The following WDR44 variants were observed in gnomAD, a reference collection of about 807,000 sequenced individuals.
The protein encoded by WDR44 is WD repeat-containing protein 44.
WDR44 carries 9 observed loss-of-function variants against 65.7 expected under a neutral mutation model. The observed-to-expected ratio is 0.14, with a 90% CI of 0.08 to 0.24. WDR44 has a LOEUF of 0.24. WDR44 is among the 10% of genes least tolerant of loss of function. The probability of loss-of-function intolerance (pLI) is 1.00; values close to 1 mark genes in which losing one functional copy is unlikely to be tolerated. For missense variants in WDR44, 425 were observed against 670.9 expected (o/e 0.63, Z 4.05); for synonymous variants, 220 against 235.2 (o/e 0.94, Z 0.59).
chrX:118,438,178 T>C (rs2057270281), intron 14 of WDR44, among the ~76,000 whole-genome samples: 1 of 111,279 alleles, frequency 9.0e-6, no homozygotes, highest in African/African-American at 3.3e-5. Context: ...ACCCCACCTT[T>C]ATCACACACA....
chrX:118,364,795 A>G (rs1251751000), intron 1 of WDR44, among the ~76,000 whole-genome samples: 1 of 112,417 alleles, frequency 8.9e-6, no homozygotes, highest in Non-Finnish European at 1.9e-5. Flanking sequence ...ATACTTTATC[A>G]GGGAAGCAGC....
At chrX:118,424,003 A>G (rs181631818) in intron 12 of WDR44, among the ~76,000 whole-genome samples, 5 of 110,760 alleles carry the variant, frequency 4.5e-5, no homozygotes, top group African/African-American at 1.6e-4. Flanking sequence ...TCATCTGTCA[A>G]TGGACATTTA....
chrX:118,372,837 C>T (rs1186392014), intron 1 of WDR44, among the ~76,000 whole-genome samples: 2 of 112,025 alleles, frequency 1.8e-5, no homozygotes, highest in African/African-American at 6.5e-5. Context: ...GCCTGTAATC[C>T]CAGCACTTTG....
In WDR44 at chrX:118,443,578, C is replaced by T. The variant is rs1285409419; in HGVS notation, c.2403C>T (p.Leu801=). The T allele has an allele frequency of 1.2e-5, 14 of 1,206,983 alleles. No individual in the cohort carries two copies. The highest frequency in any genetic ancestry group is 1.8e-5 in the South Asian group (1 of 56,169). The change falls in exon 18 of 20, where the codon CTC becomes CTT. Residue 801 remains leucine (L), a synonymous_variant. Transcript: ENST00000254029. ...AATTCAGCCATGATTTTACTTACCT[C>T]GTTAGTGGTTCAGAAGATAAGTATG... ...KASFSHDFTY[L]VSGSEDKYVY...
intron 1 of WDR44, among the ~76,000 whole-genome samples, chrX:118,375,182 TTTTG>T (rs748295793): frequency 1.6e-4 from 18 of 111,515 alleles, no homozygotes; most frequent in African/African-American, 2.3e-4. Flanking sequence ...CCTGGTTTTT[TTTTG>T]TTTGTTTATT....
At chrX:118,368,998 G>A (rs1176554855) in intron 1 of WDR44, among the ~76,000 whole-genome samples, 1 of 109,180 alleles carries the variant, frequency 9.2e-6, no homozygotes, top group African/African-American at 3.3e-5. Flanking sequence ...AAAGTGCTGG[G>A]ATTACAGGCA....
chrX:118,358,611 A>C (rs1179911279), intron 1 of WDR44, among the ~76,000 whole-genome samples: 1 of 111,646 alleles, frequency 9.0e-6, no homozygotes, highest in Admixed American at 9.5e-5. Context: ...AGGCTGAGGC[A>C]GGGGAATCGC....
chrX:118,447,875 A>AATATATATATATATAT (rs10570740), intron 19 of WDR44, among the ~76,000 whole-genome samples: 90 of 54,761 alleles, frequency 1.6e-3, no homozygotes, highest in African/African-American at 2.9e-3. Flanking sequence ...CTCTATCTAA[A>AATATATATATATATAT]ATATATATAT....
intron 12 of WDR44, among the ~76,000 whole-genome samples, chrX:118,417,363 TA>T (rs2057066278): frequency 8.9e-6 from 1 of 112,159 alleles, no homozygotes; most frequent in Non-Finnish European, 1.9e-5. Flanking sequence ...TAGCAGTTCT[TA>T]TAGTGGTGGC....
rs1201259367 is a variant in WDR44 at position 118,392,783 on chromosome X, T to C, written c.338T>C (p.Ile113Thr). The C allele has an allele frequency of 8.3e-7, 1 of 1,209,985 alleles. No individual in the cohort carries two copies. The highest frequency in any genetic ancestry group is 3.0e-5 in the East Asian group (1 of 33,781). The stretch of plus-strand genomic sequence containing the variant: ...AGCAATATACCCGGACTGTTAGCCA[T>C]AGATCAAGTACTACCGGAAGAATCC... ...DLSNIPGLLA[I>T]DQVLPEESQK... The change falls in exon 4 of 20, where the codon ATA (isoleucine) becomes ACA (threonine). Residue 113 changes from isoleucine to threonine, a missense_variant. Ile to Thr is a moderately conservative substitution (Grantham distance 89, BLOSUM62 -1). This residue lies in a region of WDR44 where 193 missense variants were observed against 209.0 expected (regional missense o/e 0.92). Coordinates refer to ENST00000254029, the MANE Select transcript of WDR44 (RefSeq NM_019045.5).
intron 2 of WDR44, among the ~76,000 whole-genome samples, chrX:118,384,213 A>G (rs1461205228): frequency 9.0e-6 from 1 of 111,443 alleles, no homozygotes; most frequent in African/African-American, 3.3e-5. Flanking sequence ...AGCATGCATC[A>G]TTCAACATTC....
At chrX:118,369,711 G>C (rs866944327) in intron 1 of WDR44, among the ~76,000 whole-genome samples, 1 of 110,449 alleles carries the variant, frequency 9.1e-6, no homozygotes, top group Non-Finnish European at 1.9e-5. Flanking sequence ...CTTGTGATCT[G>C]CCCGCCTCGG....
At chrX:118,371,590 A>G (rs1377072258) in intron 1 of WDR44, among the ~76,000 whole-genome samples, 1 of 111,670 alleles carries the variant, frequency 9.0e-6, no homozygotes, top group Non-Finnish European at 1.9e-5. Flanking sequence ...TGAGCAAGGA[A>G]GCCTAGCTCT....
In WDR44 at chrX:118,446,844, GT is replaced by G. The variant is rs759008199; in HGVS notation, c.2648-2043del. 3.9e-3 allele frequency among the ~76,000 whole-genome samples: 422 copies of G among 109,367 alleles called. 2 individuals are homozygous for G. Among genetic ancestry groups the G allele is most frequent in the Non-Finnish European group, 5.8e-3 (303 of 52,607 alleles). The allele number at this position is 109,367 out of a possible 115,157, so 95.0% of individuals were successfully genotyped here. The stretch of plus-strand genomic sequence containing the variant: ...CTGTCTTCTAACTTAAGTCATTTAC[GT>G]TTTTTCTTTTTTTTTTTAACTTATG... On this transcript the variant is annotated intron_variant, in intron 19 of 19. Transcript: ENST00000254029.
chrX:118,378,995 G>T (rs982109200), intron 2 of WDR44, among the ~76,000 whole-genome samples: 1 of 109,220 alleles, frequency 9.2e-6, no homozygotes, highest in African/African-American at 3.4e-5. Context: ...AGTGAACTGA[G>T]ATCGTGCCAC....
At chrX:118,372,882 A>T (rs952389770) in intron 1 of WDR44, among the ~76,000 whole-genome samples, 4 of 111,967 alleles carry the variant, frequency 3.6e-5, no homozygotes, top group Non-Finnish European at 7.5e-5. Context: ...TGAGGTCAGG[A>T]GGTTGAGACC....
intron 1 of WDR44, among the ~76,000 whole-genome samples, chrX:118,373,171 C>T (rs1490981190): frequency 9.0e-6 from 1 of 111,058 alleles, no homozygotes; most frequent in East Asian, 2.8e-4. Flanking sequence ...CTATAAAACA[C>T]AGACATTCCA....
intron 1 of WDR44, among the ~76,000 whole-genome samples, chrX:118,363,098 A>G (rs1172586132): frequency 9.2e-6 from 1 of 108,752 alleles, no homozygotes; most frequent in African/African-American, 3.4e-5. Flanking sequence ...AAATGCATCA[A>G]TGCTCAAAGC....
intron 18 of WDR44, among the ~76,000 whole-genome samples, chrX:118,444,055 C>CAA (rs200490026): frequency 8.5e-5 from 9 of 105,557 alleles, no homozygotes; most frequent in South Asian, 4.1e-4. Flanking sequence ...AAAAAAAAGA[C>CAA]AAAAAAAAAG....
Sources: gnomAD v4.1 joint callset for allele counts (sites outside exome capture counted in the v4.1 genomes callset) on GRCh38, gnomAD v4.1.1 for gene constraint, gnomAD v4.1.1 regional missense constraint, MANE v1.5 for transcripts, NCBI Gene and HGNC (gene_info 2026-07-23, HGNC 2026-07-21) for gene names.